Variants in TAF5 observed in about 807,000 individuals in gnomAD.
TAF5 encodes transcription initiation factor TFIID subunit 5.
In TAF5, 20 loss-of-function variants were observed where a neutral mutation model predicts 80.9. The ratio of observed to expected loss-of-function variants is 0.25; its 90% CI spans 0.17 to 0.36. The LOEUF is 0.36. Ranked by LOEUF, TAF5 falls within the 10% of genes least tolerant of loss-of-function variation. TAF5 has a pLI of 1.00. For missense variants in TAF5, 863 were observed against 1,029.4 expected, an observed-to-expected ratio of 0.84 and a Z score of 2.21; for synonymous variants, 388 against 406.4, an observed-to-expected ratio of 0.95 and a Z score of 0.55.
intron 6 of TAF5, among the ~76,000 whole-genome samples, chr10:103,382,379 C>T (rs892833828): frequency 6.6e-6 from 1 of 152,060 alleles, no homozygotes; most frequent in Non-Finnish European, 1.5e-5. Context: ...TGCCCACCAC[C>T]ATGCCCAGGT....
In TAF5 at chr10:103,378,394, G is replaced by A. The variant is rs1392837345; in HGVS notation, c.957G>A (p.Arg319=). The part of the protein sequence containing the change: ...ISRDSYQLLK[R]HLQEKQNNQI... ...GTGACTCGTACCAACTCTTGAAGAGGCATCTTCAGGAGAAACAGAACAATC... is the reference window on the plus strand; with the variant it reads ...GTGACTCGTACCAACTCTTGAAGAGACATCTTCAGGAGAAACAGAACAATC... The change falls in exon 3 of 11, where the codon AGG becomes AGA. Residue 319 remains arginine (R), a synonymous_variant. Coordinates refer to ENST00000369839, the MANE Select transcript of TAF5 (RefSeq NM_006951.5). This position sits in a 1 kb window ranked among gnomAD's most constrained non-coding sequence, Gnocchi z 4.1. The A allele has an allele frequency of 6.2e-7, 1 of 1,614,132 alleles. No homozygotes were observed. Among genetic ancestry groups the A allele is most frequent in the East Asian group, 2.2e-5 (1 of 44,884 alleles).
At chr10:103,370,450 C>A (rs1349327741) in intron 1 of TAF5, among the ~76,000 whole-genome samples, 1 of 150,580 alleles carries the variant, frequency 6.6e-6, no homozygotes, top group South Asian at 2.1e-4. Context: ...CTCAGCCTCC[C>A]GAGTAGGTGG....
chr10:103,388,565 A>C lies in TAF5; in HGVS notation c.*342A>C, dbSNP rs993202331. 5.6e-5 allele frequency: 10 copies of C among 179,750 alleles called. No homozygotes were observed. Among genetic ancestry groups the C allele is most frequent in the Non-Finnish European group, 8.3e-5 (7 of 84,846 alleles). 11.1% of individuals were successfully genotyped at this position (179,750 alleles called of 1,614,324 possible). A position where few individuals can be genotyped will look rare whatever the true frequency, so the allele number is the denominator to read the frequency against. On this transcript the variant is annotated 3_prime_UTR_variant, in exon 11 of 11. Coordinates refer to ENST00000369839, the MANE Select transcript of TAF5 (RefSeq NM_006951.5). Reference sequence around the variant, plus strand: ...AATAATTCATCCTGCTTCAAGATTCAAATTCAGAAATATACTATCATCTTG... The same window carrying C: ...AATAATTCATCCTGCTTCAAGATTCCAATTCAGAAATATACTATCATCTTG...
chr10:103,387,441 A>G (rs1167900731), intron 9 of TAF5, 80 bp from the exon 10 acceptor site: 1 of 1,548,120 alleles, frequency 6.5e-7, no homozygotes, highest in Non-Finnish European at 8.7e-7. Flanking sequence ...TTTTAAAGAT[A>G]CCATTCTTAC....
intron 1 of TAF5, 103 bp from the exon 2 acceptor site, chr10:103,373,255 A>G (rs1299281003): frequency 1.2e-6 from 1 of 866,558 alleles, no homozygotes; most frequent in Non-Finnish European, 1.8e-6. Context: ...GAAGAAAGAG[A>G]CAACAGTCTG....
Position 103,388,137 on chromosome 10 carries a change from T to C in TAF5, c.2317T>C (p.Tyr773His), listed in dbSNP as rs1418783379. 3.1e-6 allele frequency: 5 copies of C among 1,613,978 alleles called. No homozygotes were observed. The African/African-American group carries it at 5.3e-5, about 17-fold the overall frequency. The change falls in exon 11 of 11, where the codon TAT becomes CAT. Residue 773 changes from tyrosine to histidine, a missense_variant. Physicochemically the swap from Tyr to His is moderately conservative, Grantham distance 83 (BLOSUM62 2). Coordinates refer to ENST00000369839, the MANE Select transcript of TAF5 (RefSeq NM_006951.5). ...ENSQELLLGT[Y>H]MTKSTPVVHL... ...TTCACAGGAGTTATTGTTGGGAACA[T>C]ATATGACCAAATCAACACCAGTTGT...
intron 1 of TAF5, among the ~76,000 whole-genome samples, chr10:103,371,098 C>G (rs1433787325): frequency 6.6e-6 from 1 of 152,074 alleles, no homozygotes; most frequent in Admixed American, 6.6e-5. Flanking sequence ...AAAAAATTAG[C>G]TGGGCGTGGT....
At chr10:103,377,295 T>C (rs979333421) in intron 2 of TAF5, among the ~76,000 whole-genome samples, 1 of 152,186 alleles carries the variant, frequency 6.6e-6, no homozygotes, top group Non-Finnish European at 1.5e-5. Context: ...AGGAGGATAA[T>C]GGGCAGTTAC....
rs368845356 is a variant in TAF5 at position 103,388,406 on chromosome 10, A to G, written c.*183A>G. 36 of 555,154 alleles carry G rather than the reference A, an allele frequency of 6.5e-5. 1 individual carries two copies. Among genetic ancestry groups the G allele is most frequent in the South Asian group, 5.7e-4 (24 of 41,836 alleles). 34.4% of individuals were successfully genotyped at this position (555,154 alleles called of 1,614,324 possible). A position where few individuals can be genotyped will look rare whatever the true frequency, so the allele number is the denominator to read the frequency against. On this transcript the variant is annotated 3_prime_UTR_variant, in exon 11 of 11. Coordinates refer to ENST00000369839, the MANE Select transcript of TAF5 (RefSeq NM_006951.5). ...GTTTCTATAGCAACCACATTTGACT[A>G]ATTTCCGTTAGTTGAATAAGAGGTA...
In TAF5 at chr10:103,380,001, A is replaced by G. The variant is rs550001982; in HGVS notation, c.1395A>G (p.Thr465=). The G allele has an allele frequency of 2.5e-6, 4 of 1,613,196 alleles. No individual in the cohort carries two copies. In the African/African-American group the frequency reaches 4.0e-5, roughly 16 times the overall value. Residue 465 remains threonine, a synonymous_variant, in exon 5 of 11, where the codon ACA becomes ACG. Transcript: ENST00000369839. ...GCTTACCCTCCATTTGTTTCTATAC[A>G]TTTCTCAATGCTTACCAGGTTGGTA... ...PDCLPSICFY[T]FLNAYQGLTA...
chr10:103,372,902 A>T (rs1191863783), intron 1 of TAF5, among the ~76,000 whole-genome samples: 3 of 141,098 alleles, frequency 2.1e-5, no homozygotes, highest in Non-Finnish European at 4.6e-5. Context: ...TCTTAAAAAG[A>T]AAAAAAAAAA....
intron 7 of TAF5, among the ~76,000 whole-genome samples, chr10:103,384,916 G>A (rs2093392117): frequency 6.6e-6 from 1 of 152,030 alleles, no homozygotes; most frequent in Non-Finnish European, 1.5e-5. Context: ...TACACAGCAT[G>A]GGAAAATAGC....
At chr10:103,383,413 A>G (rs1171121230) in intron 7 of TAF5, 46 bp downstream of exon 7, 1 of 1,515,310 alleles carries the variant, frequency 6.6e-7, no homozygotes. Flanking sequence ...GTTATATTGA[A>G]ATTATATAAA....
chr10:103,379,495 C>G (rs1427873458), intron 3 of TAF5, 113 bp from the exon 4 acceptor site: 35 of 983,818 alleles, frequency 3.6e-5, no homozygotes, highest in Non-Finnish European at 1.5e-6. Context: ...ATACAGAACC[C>G]TGCTTCAGAG....
In TAF5 at chr10:103,381,784, A is replaced by C; in HGVS notation, c.1477A>C (p.Thr493Pro). ...SLIAGGFADS[T>P]VRVWSVTPKK... ...GATTGCTGGAGGTTTTGCAGATTCA[A>C]CTGTCAGAGTGTGGTCGGTAACACC... is the stretch of plus-strand genomic sequence containing the variant. Residue 493 changes from threonine (T) to proline (P), a missense_variant, in exon 6 of 11, where the codon ACT becomes CCT. Physicochemically the swap from Thr to Pro is conservative, Grantham distance 38. This residue lies in a region of TAF5 where 368 missense variants were observed against 461.7 expected (regional missense o/e 0.80). Coordinates refer to ENST00000369839, the MANE Select transcript of TAF5 (RefSeq NM_006951.5). 2 of 1,614,206 alleles carry C rather than the reference A, an allele frequency of 1.2e-6. No individual in the cohort carries two copies. The highest frequency in any genetic ancestry group is 1.7e-6 in the Non-Finnish European group (2 of 1,180,036).
At position 103,387,524 on chromosome 10, in the gene TAF5, C is replaced by A. The variant is rs748273252; in HGVS notation, c.2011C>A (p.Pro671Thr). Residue 671 changes from proline to threonine, a missense_variant, in exon 10 of 11, where the codon CCA becomes ACA. Physicochemically the swap from Pro to Thr is conservative, Grantham distance 38. Transcript: ENST00000369839. Reference protein sequence around the residue: ...CVRIFTGHKGPIHSLTFSPNG... With the variant: ...CVRIFTGHKGTIHSLTFSPNG... Reference sequence around the variant, plus strand: ...TTTTCTATGAACTTTTTTCTAGGGACCAATTCATTCCTTGACATTTTCTCC... The same window carrying A: ...TTTTCTATGAACTTTTTTCTAGGGAACAATTCATTCCTTGACATTTTCTCC... The A allele has an allele frequency of 1.2e-6, 2 of 1,609,170 alleles. No homozygotes were observed. Among genetic ancestry groups the A allele is most frequent in the Non-Finnish European group, 1.7e-6 (2 of 1,178,508 alleles).
intron 7 of TAF5, 114 bp downstream of exon 7, chr10:103,383,481 G>A (rs992237787): frequency 2.3e-5 from 23 of 998,348 alleles, no homozygotes; most frequent in Non-Finnish European, 3.2e-5. Flanking sequence ...AAATCTCATG[G>A]TTGTCTGACG....
intron 7 of TAF5, among the ~76,000 whole-genome samples, chr10:103,383,954 CT>C (rs140392430): frequency 0.44 from 65,202 of 148,598 alleles, 14,786 homozygotes; most frequent in South Asian, 0.66. Flanking sequence ...TAGTATTTCC[CT>C]TTTTTTTTTT....
In TAF5 at chr10:103,379,558, T is replaced by C. The variant is rs1309274800; in HGVS notation, c.1114-50T>C. The C allele has an allele frequency of 2.1e-6, 3 of 1,396,726 alleles. No individual in the cohort carries two copies. The East Asian group carries it at 7.3e-5, about 34-fold the overall frequency. 86.5% of individuals were successfully genotyped at this position (1,396,726 alleles called of 1,614,324 possible). ...TTATCCTATCAAGATGTAAAATGGG[T>C]ATATTAATGAATAAATAATTTTAAA... On this transcript the variant is annotated intron_variant, in intron 3 of 10. Coordinates refer to ENST00000369839, the MANE Select transcript of TAF5 (RefSeq NM_006951.5).
Sources: allele counts gnomAD v4.1 joint callset (sites outside exome capture counted in the v4.1 genomes callset), GRCh38; gene constraint gnomAD v4.1.1; regional missense constraint gnomAD v4.1.1; non-coding constraint Gnocchi (gnomAD v3.1); transcripts MANE v1.5; gene names NCBI Gene and HGNC (gene_info 2026-07-23, HGNC 2026-07-21).